The following BAIAP2L1 variants were observed in gnomAD, a reference collection of about 807,000 sequenced individuals.
BAIAP2L1 encodes the protein BAR/IMD domain containing adaptor protein 2 like 1.
BAIAP2L1 carries 35 observed loss-of-function variants against 66.3 expected under a neutral mutation model. The observed-to-expected ratio is 0.53, with a 90% CI of 0.40 to 0.70. BAIAP2L1 has a LOEUF of 0.70. BAIAP2L1 is among the 30% of genes least tolerant of loss of function. The pLI is 0.00. For missense variants in BAIAP2L1, 622 were observed against 656.9 expected, an observed-to-expected ratio of 0.95 and a Z score of 0.58; for synonymous variants, 269 against 248.7, an observed-to-expected ratio of 1.08 and a Z score of -0.77.
chr7:98,294,139 A>T (rs768361429), intron 12 of BAIAP2L1, 28 bp from the exon 13 acceptor site: 15 of 1,611,626 alleles, frequency 9.3e-6, no homozygotes, highest in Non-Finnish European at 1.3e-5. Flanking sequence ...AAGTTTATGG[A>T]GGGCTTAGAA....
intron 1 of BAIAP2L1, chr7:98,385,966 T>C (rs1190772154): frequency 4.0e-6 from 6 of 1,487,724 alleles, no homozygotes; most frequent in Admixed American, 1.7e-5. Flanking sequence ...GAAGACATCA[T>C]GGAGAGGATA....
chr7:98,396,779 C>A (rs1584512173), intron 1 of BAIAP2L1, among the ~76,000 whole-genome samples: 3 of 152,160 alleles, frequency 2.0e-5, no homozygotes, highest in Admixed American at 2.0e-4. Flanking sequence ...CAAAGCAAGA[C>A]CCTGTCTCAA....
Position 98,307,859 on chromosome 7 carries a change from C to G in BAIAP2L1, c.993G>C (p.Ser331=), listed in dbSNP as rs779672960. The part of the protein sequence containing the change: ...SEDPSLQRSV[S]VATGLNMMKK... ...TCATCATGTTCAGTCCCGTTGCAAC[C>G]GAAACTGATCGCTGTAAACTGGGAT... is the stretch of plus-strand genomic sequence containing the variant. The change falls in exon 10 of 14, where the codon TCG becomes TCC. Residue 331 remains serine (S), a synonymous_variant. Coordinates refer to ENST00000005260, the MANE Select transcript of BAIAP2L1 (RefSeq NM_018842.5). 1 of 1,614,208 alleles carries G rather than the reference C, an allele frequency of 6.2e-7. No individual in the cohort carries two copies. Among genetic ancestry groups the G allele is most frequent in the African/African-American group, 1.3e-5 (1 of 75,052 alleles).
Position 98,319,251 on chromosome 7 carries a change from C to T in BAIAP2L1, c.348+807G>A, listed in dbSNP as rs778571638. Among the ~76,000 whole-genome samples the T allele has an allele frequency of 5.3e-5, 8 of 152,206 alleles. No individual in the cohort carries two copies. The South Asian group carries it at 1.2e-3, about 24-fold the overall frequency. On this transcript the variant is annotated intron_variant, in intron 5 of 13. Transcript: ENST00000005260. ...GGAAGATGGCAAGAGCCCTCAATAC[C>T]GGGTCTGTAGGGCCACCCTGAAGGG...
At chr7:98,353,611 T>C (rs1190100607) in intron 3 of BAIAP2L1, among the ~76,000 whole-genome samples, 8 of 138,846 alleles carry the variant, frequency 5.8e-5, no homozygotes, top group African/African-American at 1.9e-4. Flanking sequence ...ATTATATGTA[T>C]ATTTATAATA....
intron 12 of BAIAP2L1, among the ~76,000 whole-genome samples, chr7:98,295,909 G>A (rs979261194): frequency 6.6e-6 from 1 of 152,214 alleles, no homozygotes; most frequent in Non-Finnish European, 1.5e-5. Context: ...TAAGATGACA[G>A]CTGGAAGCCA....
chr7:98,401,068 G>C lies in BAIAP2L1; in HGVS notation c.-216C>G. 7 of 346,472 alleles carry C rather than the reference G, an allele frequency of 2.0e-5. No homozygotes were observed. Among genetic ancestry groups the C allele is most frequent in the Non-Finnish European group, 1.5e-5 (3 of 198,022 alleles). The allele number at this position is 346,472 out of a possible 1,614,324, so 21.5% of individuals were successfully genotyped here. ...CTGGCCTTCTTCGAGGAGCAGAGGA[G>C]AAGCGGCCGGACGCCGCCAGAGGAA... On this transcript the variant is annotated 5_prime_UTR_variant, in exon 1 of 14. Transcript: ENST00000005260.
chr7:98,307,615 C>G, intron 10 of BAIAP2L1, 74 bp downstream of exon 10: 2 of 1,586,306 alleles, frequency 1.3e-6, no homozygotes, highest in Non-Finnish European at 1.7e-6. Context: ...TCCACGAAGA[C>G]AGTTTGCAGC....
intron 1 of BAIAP2L1, among the ~76,000 whole-genome samples, chr7:98,369,663 ATTTTTTTTTTTT>A (rs71112146): frequency 2.9e-5 from 3 of 103,850 alleles, no homozygotes; most frequent in South Asian, 3.6e-4. Flanking sequence ...TGATTTCCTA[ATTTTTTTTTTTT>A]TTTTTTTTTT....
chr7:98,360,321 G>A (rs1802240810), intron 2 of BAIAP2L1, among the ~76,000 whole-genome samples: 1 of 152,108 alleles, frequency 6.6e-6, no homozygotes, highest in Non-Finnish European at 1.5e-5. Context: ...GGAATTACAG[G>A]CACGAGCCAC....
At chr7:98,304,667 C>G (rs1329715601) in intron 11 of BAIAP2L1, among the ~76,000 whole-genome samples, 1 of 152,078 alleles carries the variant, frequency 6.6e-6, no homozygotes, top group Non-Finnish European at 1.5e-5. Context: ...TCTGCTTCAG[C>G]CTCCTGAGTA....
At chr7:98,366,442 G>T (rs757109120) in intron 1 of BAIAP2L1, among the ~76,000 whole-genome samples, 1 of 152,084 alleles carries the variant, frequency 6.6e-6, no homozygotes, top group Non-Finnish European at 1.5e-5. Flanking sequence ...GGGGCCCCTG[G>T]GGTGAATGGC....
At chr7:98,335,835 GTTCACAGTTCCTGTCCAGGT>G (rs551308557) in intron 3 of BAIAP2L1, among the ~76,000 whole-genome samples, 4 of 152,138 alleles carry the variant, frequency 2.6e-5, no homozygotes, top group African/African-American at 7.2e-5. Flanking sequence ...CGGCACAGCC[GTTCACAGTTCCTGTCCAGGT>G]TTTACAGAAG....
At chr7:98,389,297 T>C (rs750993743) in intron 1 of BAIAP2L1, among the ~76,000 whole-genome samples, 14 of 152,098 alleles carry the variant, frequency 9.2e-5, no homozygotes, top group Non-Finnish European at 1.9e-4. Context: ...CCCCAATCTT[T>C]TCTGCACATT....
At chr7:98,367,574 C>T (rs796571377) in intron 1 of BAIAP2L1, among the ~76,000 whole-genome samples, 17 of 132,152 alleles carry the variant, frequency 1.3e-4, no homozygotes, top group African/African-American at 3.3e-4. Context: ...CTCGCTCTGT[C>T]GCCCAGGCTA....
chr7:98,388,588 C>T (rs1347701915), intron 1 of BAIAP2L1, among the ~76,000 whole-genome samples: 1 of 152,236 alleles, frequency 6.6e-6, no homozygotes, highest in Non-Finnish European at 1.5e-5. Flanking sequence ...ACATATTGTA[C>T]TGTCAGACAT....
chr7:98,345,721 A>G (rs1364343188), intron 3 of BAIAP2L1, among the ~76,000 whole-genome samples: 1 of 152,138 alleles, frequency 6.6e-6, no homozygotes, highest in Non-Finnish European at 1.5e-5. Flanking sequence ...TGCAAACTCA[A>G]TAATTAAAAA....
intron 1 of BAIAP2L1, among the ~76,000 whole-genome samples, chr7:98,392,969 A>T (rs1046487729): frequency 1.3e-5 from 2 of 150,206 alleles, no homozygotes; most frequent in African/African-American, 4.9e-5. Flanking sequence ...ATTTTTATTT[A>T]TATATATAGA....
Position 98,386,732 on chromosome 7 carries a change from G to A in BAIAP2L1, c.51+14070C>T, listed in dbSNP as rs1192649442. Reference sequence around the variant, plus strand: ...TTTTTTTTTTTGGTGACAGAGTCTCGCTCTGTCGCCAGGCTGGAGTGCAGT... The same window carrying A: ...TTTTTTTTTTTGGTGACAGAGTCTCACTCTGTCGCCAGGCTGGAGTGCAGT... On this transcript the variant is annotated intron_variant, in intron 1 of 13. Coordinates refer to ENST00000005260, the MANE Select transcript of BAIAP2L1 (RefSeq NM_018842.5). The A allele has an allele frequency of 1.3e-5, 8 of 597,734 alleles. No individual in the cohort carries two copies. In the African/African-American group the frequency reaches 1.5e-4, roughly 11 times the overall value. The allele number at this position is 597,734 out of a possible 1,614,324, so 37.0% of individuals were successfully genotyped here. A position where few individuals can be genotyped will look rare whatever the true frequency, so the allele number is the denominator to read the frequency against.
Sources: allele counts gnomAD v4.1 joint callset (sites outside exome capture counted in the v4.1 genomes callset), GRCh38; gene constraint gnomAD v4.1.1; transcripts MANE v1.5; gene names NCBI Gene and HGNC (gene_info 2026-07-23, HGNC 2026-07-21).